Variants in SMOC1 observed in about 807,000 individuals in gnomAD.
The protein encoded by SMOC1 is SPARC-related modular calcium-binding protein 1.
A neutral mutation model predicts 56.3 loss-of-function variants in SMOC1; 22 were observed. The observed-to-expected ratio is 0.39, with a 90% confidence interval of 0.28 to 0.56. The LOEUF (loss-of-function observed/expected upper bound fraction) is 0.56, where lower values mean the gene tolerates loss of function less well. Among genes scored for constraint, SMOC1 ranks in the 20% least tolerant of loss-of-function variants. The pLI, the probability that SMOC1 is intolerant of heterozygous loss-of-function variation, is 0.61. For synonymous variants in SMOC1, 193 were observed against 215.0 expected, an observed-to-expected ratio of 0.90 and a Z score of 0.89; for missense variants, 509 against 565.4, an observed-to-expected ratio of 0.90 and a Z score of 1.01.
intron 1 of SMOC1, 24 bp from the exon 2 acceptor site, chr14:69,952,114 C>T (rs768312172): frequency 1.2e-6 from 2 of 1,613,936 alleles, no homozygotes; most frequent in South Asian, 2.2e-5. Flanking sequence ...AACCTCTGTA[C>T]CCTTTCACTT....
At chr14:69,940,062 C>T (rs1882488951) in intron 1 of SMOC1, among the ~76,000 whole-genome samples, 1 of 152,222 alleles carries the variant, frequency 6.6e-6, no homozygotes, top group Non-Finnish European at 1.5e-5. Context: ...TTGGATGCCA[C>T]TTTCAGCTTC....
rs373582517 is a variant in SMOC1 at position 69,952,173 on chromosome 14, C to T, written c.135C>T (p.Leu45=). ...LISDRDPQCN[L]HCSRTQPKPI... is the part of the protein sequence containing the mutation. ...GTGACCGTGACCCACAGTGCAACCT[C>T]CACTGCTCCAGGACTCAACCCAAAC... Residue 45 remains leucine, a synonymous_variant, in exon 2 of 12, where the codon CTC becomes CTT. Coordinates refer to ENST00000361956, the MANE Select transcript of SMOC1 (RefSeq NM_001034852.3). The T allele has an allele frequency of 3.4e-5, 55 of 1,614,076 alleles. No individual in the cohort carries two copies. Among genetic ancestry groups the T allele is most frequent in the Non-Finnish European group, 4.3e-5 (51 of 1,180,026 alleles).
intron 1 of SMOC1, among the ~76,000 whole-genome samples, chr14:69,890,888 C>G (rs1883942199): frequency 1.3e-5 from 2 of 152,144 alleles, no homozygotes; most frequent in African/African-American, 4.8e-5. Context: ...TGGAGAAATT[C>G]TAATGTATAT....
chr14:69,949,839 C>T (rs1882928606), intron 1 of SMOC1, among the ~76,000 whole-genome samples: 1 of 152,060 alleles, frequency 6.6e-6, no homozygotes, highest in African/African-American at 2.4e-5. Flanking sequence ...GTAAGGGTCC[C>T]CGAGCTCATG....
chr14:70,007,112 G>C (rs923744339), intron 7 of SMOC1, among the ~76,000 whole-genome samples: 8 of 152,224 alleles, frequency 5.3e-5, no homozygotes, highest in Admixed American at 2.6e-4. Flanking sequence ...CCTGTGGCAA[G>C]AAGATGATCT....
intron 1 of SMOC1, among the ~76,000 whole-genome samples, chr14:69,914,541 C>A (rs2139353370): frequency 6.6e-6 from 1 of 152,088 alleles, no homozygotes. Context: ...CTCCTTAACA[C>A]CCACACGATC....
chr14:69,938,740 T>C (rs768736471), intron 1 of SMOC1, among the ~76,000 whole-genome samples: 11 of 152,262 alleles, frequency 7.2e-5, no homozygotes, highest in Non-Finnish European at 1.6e-4. Context: ...TTCACCTCCT[T>C]TGGGGAACAT....
intron 6 of SMOC1, among the ~76,000 whole-genome samples, chr14:69,993,314 G>A (rs61305): frequency 0.44 from 67,212 of 151,958 alleles, 16,249 homozygotes; most frequent in African/African-American, 0.63. Flanking sequence ...CGGGGTGCAG[G>A]AGGTTCAAGT....
At chr14:70,011,709 C>A in intron 9 of SMOC1, 142 bp downstream of exon 9, 1 of 794,702 alleles carries the variant, frequency 1.3e-6, no homozygotes, top group Non-Finnish European at 2.2e-6. Flanking sequence ...ACATCCTGGT[C>A]TGGGATTTAT....
At chr14:69,972,627 GCCT>G (rs981947021) in intron 3 of SMOC1, among the ~76,000 whole-genome samples, 2 of 152,206 alleles carry the variant, frequency 1.3e-5, no homozygotes, top group Non-Finnish European at 2.9e-5. Flanking sequence ...CTGTGTTTGG[GCCT>G]CTGGGCCAGC....
At chr14:69,986,925 A>T (rs1240975937) in intron 5 of SMOC1, among the ~76,000 whole-genome samples, 1 of 152,230 alleles carries the variant, frequency 6.6e-6, no homozygotes, top group Non-Finnish European at 1.5e-5. Flanking sequence ...GAATCAGGAC[A>T]GTTCACCATC....
rs12891712 is a variant in SMOC1, at chr14:69,902,742, G to A, written c.99+22965G>A. ...CCTGATTCTCCTGCCTCAGCCTGCC[G>A]AGTGCCTGCGATTGCAGGCGCGCGC... is the stretch of plus-strand genomic sequence containing the variant. On this transcript the variant is annotated intron_variant, in intron 1 of 11. Coordinates refer to ENST00000361956, the MANE Select transcript of SMOC1 (RefSeq NM_001034852.3). 4.7e-3 allele frequency among the ~76,000 whole-genome samples: 713 copies of A among 151,716 alleles called. 3 individuals are homozygous for A. Among genetic ancestry groups the A allele is most frequent in the African/African-American group, 0.015 (630 of 41,472 alleles).
chr14:70,014,981 G>A (rs1419167857), intron 10 of SMOC1, among the ~76,000 whole-genome samples: 3 of 152,376 alleles, frequency 2.0e-5, no homozygotes, highest in Middle Eastern at 6.8e-3. Context: ...TGAGGCAGAA[G>A]AAGGCAGCCA....
At chr14:69,968,366 C>A (rs909005430) in intron 3 of SMOC1, among the ~76,000 whole-genome samples, 1 of 152,154 alleles carries the variant, frequency 6.6e-6, no homozygotes, top group African/African-American at 2.4e-5. Context: ...CTCCAGATGA[C>A]TCTCATCCAT....
intron 10 of SMOC1, among the ~76,000 whole-genome samples, chr14:70,016,285 A>T (rs1255608124): frequency 1.3e-5 from 2 of 152,326 alleles, no homozygotes; most frequent in South Asian, 4.1e-4. Flanking sequence ...TCTTTTTTCC[A>T]TTCTATTTTA....
In SMOC1 at chr14:69,956,022, G is replaced by C. The variant is rs1402410588; in HGVS notation, c.378+2490G>C. Among the ~76,000 whole-genome samples, 6 of 152,182 alleles carry C rather than the reference G, an allele frequency of 3.9e-5. No homozygotes were observed. The East Asian group carries it at 1.2e-3, about 29-fold the overall frequency. On this transcript the variant is annotated intron_variant, in intron 3 of 11. Coordinates refer to ENST00000361956, the MANE Select transcript of SMOC1 (RefSeq NM_001034852.3). ...CTGATTCTGAAGTGTTGGCTACCTC[G>C]TGACAGACAGCCCACTGGCCAGCTT... is the stretch of plus-strand genomic sequence containing the variant.
At chr14:69,916,192 A>T (rs138372505) in intron 1 of SMOC1, among the ~76,000 whole-genome samples, 128 of 152,324 alleles carry the variant, frequency 8.4e-4, no homozygotes, top group African/African-American at 2.8e-3. Flanking sequence ...TAGAGGTGCG[A>T]CGAAACCTTC....
rs566518557 is a variant in SMOC1, at chr14:69,956,685, G to A, written c.378+3153G>A. Among the ~76,000 whole-genome samples the A allele has an allele frequency of 1.5e-3, 225 of 152,132 alleles. 1 individual carries two copies. Among genetic ancestry groups the A allele is most frequent in the Admixed American group, 3.1e-3 (47 of 15,276 alleles). ...CACATGACTGACTTGGCTTTAATGG[G>A]CTTCATGTGGGACTCGCTGGCCTCT... is the stretch of plus-strand genomic sequence containing the variant. On this transcript the variant is annotated intron_variant, in intron 3 of 11. Transcript: ENST00000361956.
At chr14:69,973,137 C>T (rs1247961171) in intron 3 of SMOC1, among the ~76,000 whole-genome samples, 2 of 152,228 alleles carry the variant, frequency 1.3e-5, no homozygotes, top group Non-Finnish European at 2.9e-5. Flanking sequence ...GAAATATCCC[C>T]TCTAGGGTGG....
Sources: allele counts gnomAD v4.1 joint callset (sites outside exome capture counted in the v4.1 genomes callset), GRCh38; gene constraint gnomAD v4.1.1; transcripts MANE v1.5; gene names NCBI Gene and HGNC (gene_info 2026-07-23, HGNC 2026-07-21).